CDH13: variants seen among roughly 807,000 people sequenced by gnomAD.
CDH13 encodes the protein cadherin 13.
Under a neutral mutation model 63.8 loss-of-function variants are expected in CDH13, and 24 were observed. The ratio of observed to expected loss-of-function variants is 0.38; its 90% CI spans 0.27 to 0.53. The LOEUF (loss-of-function observed/expected upper bound fraction) is 0.53. Ranked by LOEUF, CDH13 falls within the 20% of genes least tolerant of loss-of-function variation. CDH13 has a pLI of 0.85. For synonymous variants in CDH13, 503 were observed against 355.3 expected (o/e 1.42, Z -4.67); for missense variants, 1,049 against 903.1 (o/e 1.16, Z -2.07).
chr16:82,738,810 C>G (rs1341512077), intron 1 of CDH13, among the ~76,000 whole-genome samples: 1 of 152,180 alleles, frequency 6.6e-6, no homozygotes, highest in Non-Finnish European at 1.5e-5. Flanking sequence ...CCTTTTATCT[C>G]ACACATTTCG....
At chr16:82,685,118 A>AG (rs1914931045) in intron 1 of CDH13, among the ~76,000 whole-genome samples, 1 of 152,172 alleles carries the variant, frequency 6.6e-6, no homozygotes, top group Non-Finnish European at 1.5e-5. Flanking sequence ...TGATCCAATG[A>AG]GGGGAAAAAA....
chr16:82,952,637 G>A (rs973961461), intron 2 of CDH13, among the ~76,000 whole-genome samples: 3 of 152,122 alleles, frequency 2.0e-5, no homozygotes, highest in Non-Finnish European at 2.9e-5. Flanking sequence ...AATTTTCTGT[G>A]GATCAGATGA....
intron 2 of CDH13, among the ~76,000 whole-genome samples, chr16:82,861,999 AAGG>A (rs1334588282): frequency 2.0e-5 from 3 of 152,204 alleles, no homozygotes; most frequent in African/African-American, 7.2e-5. Context: ...TACAAGAAGA[AAGG>A]AGAAGTCAGC....
chr16:83,596,914 A>G (rs557779383), intron 7 of CDH13, among the ~76,000 whole-genome samples: 2 of 152,222 alleles, frequency 1.3e-5, no homozygotes, highest in Non-Finnish European at 2.9e-5. Flanking sequence ...TTTTTATATT[A>G]GAATTGCTTT....
At chr16:83,196,148 C>T (rs922390149) in intron 4 of CDH13, among the ~76,000 whole-genome samples, 4 of 151,952 alleles carry the variant, frequency 2.6e-5, no homozygotes, top group Non-Finnish European at 5.9e-5. Flanking sequence ...GCCAGCTACT[C>T]GGGAGGCTGA....
chr16:82,874,189 G>A (rs781041203), intron 2 of CDH13, among the ~76,000 whole-genome samples: 43 of 152,254 alleles, frequency 2.8e-4, no homozygotes, highest in Admixed American at 8.5e-4. Context: ...ATAACATCAT[G>A]TCAGTTCAGG....
chr16:82,756,093 A>C (rs907728477), intron 1 of CDH13, among the ~76,000 whole-genome samples: 2 of 152,170 alleles, frequency 1.3e-5, no homozygotes, highest in Non-Finnish European at 1.5e-5. Context: ...TCAATATTTA[A>C]AATGTTCAAT....
At chr16:82,703,392 GA>G (rs1219428474) in intron 1 of CDH13, among the ~76,000 whole-genome samples, 7 of 152,108 alleles carry the variant, frequency 4.6e-5, no homozygotes, top group Non-Finnish European at 1.0e-4. Context: ...TGGCAGGCCA[GA>G]AGTTCTGGAG....
chr16:83,740,972 T>C (rs1324277042), intron 10 of CDH13, among the ~76,000 whole-genome samples: 1 of 152,312 alleles, frequency 6.6e-6, no homozygotes, highest in East Asian at 1.9e-4. Context: ...AGGTAGAAAG[T>C]CAGGCAGGTC....
chr16:83,579,986 A>G (rs1905405696), intron 7 of CDH13, among the ~76,000 whole-genome samples: 1 of 152,112 alleles, frequency 6.6e-6, no homozygotes, highest in Non-Finnish European at 1.5e-5. Context: ...GGCGTTTTCA[A>G]AGGCTCAGAA....
chr16:83,202,636 C>T lies in CDH13; in HGVS notation c.484-14709C>T, dbSNP rs140902257. On this transcript the variant is annotated intron_variant, in intron 4 of 13. Transcript: ENST00000567109. ...ATCAGTCTTCATGTTAAAATTTGTC[C>T]TGAATGATAAGAATAATAAGAGTAA... 2.9e-3 allele frequency among the ~76,000 whole-genome samples: 436 copies of T among 152,088 alleles called. 5 individuals carry two copies. Among genetic ancestry groups the T allele is most frequent in the African/African-American group, 9.6e-3 (400 of 41,476 alleles).
intron 2 of CDH13, among the ~76,000 whole-genome samples, chr16:83,015,545 T>A (rs964792984): frequency 6.6e-6 from 1 of 151,350 alleles, no homozygotes; most frequent in Non-Finnish European, 1.5e-5. Flanking sequence ...TGCAGTAAGA[T>A]TCCAGCATCT....
chr16:83,521,328 T>A (rs563980608), intron 7 of CDH13, among the ~76,000 whole-genome samples: 1 of 152,046 alleles, frequency 6.6e-6, no homozygotes. Context: ...AGGTACTCTT[T>A]GCTCTTTGAA....
chr16:83,268,349 G>A (rs2088688613), intron 5 of CDH13, among the ~76,000 whole-genome samples: 1 of 152,176 alleles, frequency 6.6e-6, no homozygotes, highest in Non-Finnish European at 1.5e-5. Context: ...GAGGGATCTG[G>A]CACATCCTTA....
chr16:83,567,418 G>C (rs944104582), intron 7 of CDH13, among the ~76,000 whole-genome samples: 1 of 152,220 alleles, frequency 6.6e-6, no homozygotes, highest in African/African-American at 2.4e-5. Flanking sequence ...CTGCATGTAC[G>C]AGTTGCAGGC....
chr16:83,373,266 G>A (rs1206528851), intron 6 of CDH13, among the ~76,000 whole-genome samples: 1 of 152,204 alleles, frequency 6.6e-6, no homozygotes, highest in Non-Finnish European at 1.5e-5. Flanking sequence ...AAGGGGAATT[G>A]CAAAGGATAG....
At chr16:83,221,628 C>A (rs1245375991) in intron 5 of CDH13, among the ~76,000 whole-genome samples, 1 of 148,236 alleles carries the variant, frequency 6.7e-6, no homozygotes, top group African/African-American at 2.5e-5. Flanking sequence ...GAGTGGGAGA[C>A]CATCTGTTAG....
At chr16:82,869,644 C>T (rs934796430) in intron 2 of CDH13, among the ~76,000 whole-genome samples, 7 of 152,016 alleles carry the variant, frequency 4.6e-5, no homozygotes, top group African/African-American at 1.5e-4. Flanking sequence ...ATGCATAGAC[C>T]AATGGGACAG....
chr16:83,000,273 G>GTTTTTTTT (rs1912752943), intron 2 of CDH13, among the ~76,000 whole-genome samples: 2 of 34,960 alleles, frequency 5.7e-5, no homozygotes, highest in African/African-American at 1.1e-4. Flanking sequence ...TTGAGACAGA[G>GTTTTTTTT]TTTTTCCTCT....
Sources: gnomAD v4.1 joint callset for allele counts (sites outside exome capture counted in the v4.1 genomes callset) on GRCh38, gnomAD v4.1.1 for gene constraint, MANE v1.5 for transcripts, NCBI Gene and HGNC (gene_info 2026-07-23, HGNC 2026-07-21) for gene names.